PCDH9: variants seen among roughly 807,000 people sequenced by gnomAD.
PCDH9 encodes the protein protocadherin 9, also known as protocadherin-9.
A neutral mutation model predicts 70.6 loss-of-function variants in PCDH9; 24 were observed. That is an observed-to-expected ratio of 0.34 (90% CI 0.25 to 0.48). The LOEUF is 0.48. PCDH9 is among the 20% of genes least tolerant of loss of function. PCDH9 has a pLI of 0.99. For missense variants in PCDH9, 1,281 were observed against 1,503.6 expected (o/e 0.85, Z 2.45); for synonymous variants, 562 against 558.5 (o/e 1.01, Z -0.09).
chr13:66,534,605 G>C (rs1274786737), intron 4 of PCDH9, among the ~76,000 whole-genome samples: 1 of 151,982 alleles, frequency 6.6e-6, no homozygotes, highest in Non-Finnish European at 1.5e-5. Context: ...TATAAATTTG[G>C]GGGGACACAA....
At chr13:66,960,107 G>A (rs768920910) in intron 2 of PCDH9, among the ~76,000 whole-genome samples, 2 of 152,132 alleles carry the variant, frequency 1.3e-5, no homozygotes, top group Non-Finnish European at 2.9e-5. Flanking sequence ...AGAAAGATCC[G>A]TTTTTAAATT....
chr13:66,984,118 T>A (rs1384300823), intron 2 of PCDH9, among the ~76,000 whole-genome samples: 1 of 152,098 alleles, frequency 6.6e-6, no homozygotes, highest in Non-Finnish European at 1.5e-5. Context: ...ATTCACAATT[T>A]TATGAAAACA....
intron 2 of PCDH9, among the ~76,000 whole-genome samples, chr13:67,084,826 G>C (rs965784688): frequency 4.6e-4 from 70 of 150,612 alleles, no homozygotes; most frequent in Non-Finnish European, 8.4e-4. Context: ...AATTAGCTGG[G>C]CGTGGTGGCG....
At chr13:66,881,947 G>A (rs1013952823) in intron 3 of PCDH9, among the ~76,000 whole-genome samples, 6 of 152,124 alleles carry the variant, frequency 3.9e-5, no homozygotes, top group Non-Finnish European at 7.4e-5. Flanking sequence ...TCTTAATTTA[G>A]TAGTGACATT....
In PCDH9 at chr13:67,152,272, C is replaced by A. The variant is rs544942266; in HGVS notation, c.3036+73133G>T. Among the ~76,000 whole-genome samples the A allele has an allele frequency of 2.0e-5, 3 of 152,284 alleles. No homozygotes were observed. The South Asian group carries it at 6.2e-4, about 32-fold the overall frequency. ...AATTACAATTTGGCAGCGCTCCATG[C>A]CTGATACAATTTAGTTCAAATTTAT... On this transcript the variant is annotated intron_variant, in intron 2 of 4. Coordinates refer to ENST00000377865, the MANE Select transcript of PCDH9 (RefSeq NM_203487.3).
chr13:66,510,745 A>C (rs1959433831), intron 4 of PCDH9, among the ~76,000 whole-genome samples: 1 of 152,138 alleles, frequency 6.6e-6, no homozygotes, highest in African/African-American at 2.4e-5. Context: ...ACATTTTCTT[A>C]ATCCAGTCTA....
At chr13:66,871,456 C>T (rs2081684350) in intron 3 of PCDH9, among the ~76,000 whole-genome samples, 1 of 151,336 alleles carries the variant, frequency 6.6e-6, no homozygotes, top group Non-Finnish European at 1.5e-5. Flanking sequence ...CCTGTTCACA[C>T]ACGATACTCT....
At chr13:66,963,941 T>A (rs1041369936) in intron 2 of PCDH9, among the ~76,000 whole-genome samples, 2 of 152,096 alleles carry the variant, frequency 1.3e-5, no homozygotes, top group African/African-American at 4.8e-5. Context: ...AGTTCATGTG[T>A]CAAGTAACAC....
intron 2 of PCDH9, among the ~76,000 whole-genome samples, chr13:67,149,970 T>A (rs145826046): frequency 1.8e-4 from 28 of 152,300 alleles, no homozygotes; most frequent in African/African-American, 6.3e-4. Context: ...AAAATAAAAG[T>A]CTTTTCAGGT....
At chr13:66,625,719 G>A (rs566734493) in intron 4 of PCDH9, among the ~76,000 whole-genome samples, 1 of 148,608 alleles carries the variant, frequency 6.7e-6, no homozygotes, top group African/African-American at 2.5e-5. Flanking sequence ...GTAGTGCTGT[G>A]GTGCCATCTT....
intron 2 of PCDH9, among the ~76,000 whole-genome samples, chr13:67,015,175 C>T (rs769862948): frequency 2.6e-5 from 4 of 152,060 alleles, no homozygotes; most frequent in African/African-American, 9.7e-5. Context: ...CTTTTGAAGA[C>T]ACCCCTTTAA....
At chr13:66,860,122 A>C (rs180888902) in intron 3 of PCDH9, among the ~76,000 whole-genome samples, 22 of 152,296 alleles carry the variant, frequency 1.4e-4, no homozygotes, top group Admixed American at 1.4e-3. Flanking sequence ...CAAACAGTTT[A>C]TATTTCCAAA....
chr13:66,616,813 G>A (rs1566458098), intron 4 of PCDH9, among the ~76,000 whole-genome samples: 2 of 152,058 alleles, frequency 1.3e-5, no homozygotes, highest in African/African-American at 4.8e-5. Context: ...CCTTGTTTGA[G>A]GAGGGCTGAG....
rs1485162878 is a variant in PCDH9 at position 67,019,186 on chromosome 13, C to CT, written c.3037-115582dup. On this transcript the variant is annotated intron_variant, in intron 2 of 4. Coordinates refer to ENST00000377865, the MANE Select transcript of PCDH9 (RefSeq NM_203487.3). The stretch of plus-strand genomic sequence containing the variant: ...CCTCCTTAACACCTTCAGGCAGTTG[C>CT]TCTTTTTTTTTTTTTTTTTTTTTCT... Among the ~76,000 whole-genome samples, 7 of 85,996 alleles carry CT rather than the reference C, an allele frequency of 8.1e-5. No individual in the cohort carries two copies. In the South Asian group the frequency reaches 2.1e-3, roughly 26 times the overall value. The allele number at this position is 85,996 out of a possible 152,430, so 56.4% of individuals were successfully genotyped here.
intron 3 of PCDH9, among the ~76,000 whole-genome samples, chr13:66,728,481 C>A (rs770160034): frequency 6.6e-6 from 1 of 152,026 alleles, no homozygotes; most frequent in South Asian, 2.1e-4. Context: ...TTTTAGTGAA[C>A]CCAGGCTGGC....
chr13:66,468,165 C>A (rs1006707129), intron 4 of PCDH9, among the ~76,000 whole-genome samples: 1 of 152,088 alleles, frequency 6.6e-6, no homozygotes, highest in Non-Finnish European at 1.5e-5. Flanking sequence ...CCACCCTACA[C>A]TCTCTCATCC....
At chr13:66,874,940 T>TGAGA (rs1459973981) in intron 3 of PCDH9, among the ~76,000 whole-genome samples, 28 of 140,642 alleles carry the variant, frequency 2.0e-4, no homozygotes, top group African/African-American at 6.2e-4. Context: ...TGTGTGTGTG[T>TGAGA]GTGAGAGAGA....
At chr13:67,215,483 A>G (rs146532383) in intron 2 of PCDH9, 2 of 152,236 alleles carry the variant, frequency 1.3e-5, no homozygotes, top group African/African-American at 4.8e-5. Context: ...TAATAAATCA[A>G]TGATCTAAGT....
intron 2 of PCDH9, among the ~76,000 whole-genome samples, chr13:67,007,635 A>G (rs2084377967): frequency 6.6e-6 from 1 of 152,192 alleles, no homozygotes; most frequent in Admixed American, 6.5e-5. Flanking sequence ...CATATTGTAT[A>G]TTCAGGCCGT....
Sources: gnomAD v4.1 joint callset for allele counts (sites outside exome capture counted in the v4.1 genomes callset) on GRCh38, gnomAD v4.1.1 for gene constraint, MANE v1.5 for transcripts, NCBI Gene and HGNC (gene_info 2026-07-23, HGNC 2026-07-21) for gene names.